GABRA3: variants seen among roughly 807,000 people sequenced by gnomAD.
The protein encoded by GABRA3 is gamma-aminobutyric acid receptor subunit alpha-3.
A neutral mutation model predicts 30.1 loss-of-function variants in GABRA3; 10 were observed. That is an observed-to-expected ratio of 0.33 (90% CI 0.20 to 0.56). The LOEUF (loss-of-function observed/expected upper bound fraction) is 0.56. GABRA3 is among the 20% of genes least tolerant of loss of function. GABRA3 has a pLI of 0.89. For missense variants in GABRA3, 233 were observed against 392.0 expected, an observed-to-expected ratio of 0.59 and a Z score of 3.42; for synonymous variants, 151 against 146.8, an observed-to-expected ratio of 1.03 and a Z score of -0.21.
At chrX:152,403,461 A>G (rs928208906) in intron 1 of GABRA3, among the ~76,000 whole-genome samples, 1 of 110,945 alleles carries the variant, frequency 9.0e-6, no homozygotes, top group African/African-American at 3.3e-5. Flanking sequence ...TTATGGCTAT[A>G]ATGGACAACT....
intron 3 of GABRA3, among the ~76,000 whole-genome samples, chrX:152,337,691 A>G (rs756469938): frequency 9.0e-6 from 1 of 110,973 alleles, no homozygotes; most frequent in Non-Finnish European, 1.9e-5. Context: ...AAAATAAATT[A>G]GCCTGTAGTC....
intron 3 of GABRA3, among the ~76,000 whole-genome samples, chrX:152,294,755 T>C (rs1028908212): frequency 2.7e-5 from 3 of 112,024 alleles, no homozygotes; most frequent in Non-Finnish European, 5.6e-5. Flanking sequence ...TTTCTCCCCA[T>C]CTTTGTTGTT....
chrX:152,232,585 G>T (rs1473671163), intron 5 of GABRA3, among the ~76,000 whole-genome samples: 1 of 109,209 alleles, frequency 9.2e-6, no homozygotes, highest in African/African-American at 3.3e-5. Flanking sequence ...TGGTGAAAAA[G>T]AGATAATTTC....
At chrX:152,305,941 C>T (rs1243012287) in intron 3 of GABRA3, among the ~76,000 whole-genome samples, 2 of 111,440 alleles carry the variant, frequency 1.8e-5, no homozygotes, top group African/African-American at 6.5e-5. Flanking sequence ...TTAAAATGCA[C>T]TGGGACTACA....
At chrX:152,175,046 G>A (rs773941593) in intron 9 of GABRA3, among the ~76,000 whole-genome samples, 16 of 111,792 alleles carry the variant, frequency 1.4e-4, no homozygotes, top group African/African-American at 4.2e-4. Context: ...TATTAAATAG[G>A]GAATCCTTTC....
At chrX:152,185,209 C>T (rs187079185) in intron 9 of GABRA3, among the ~76,000 whole-genome samples, 1 of 111,071 alleles carries the variant, frequency 9.0e-6, no homozygotes, top group African/African-American at 3.3e-5. Flanking sequence ...CGTATTGTAG[C>T]GGTGCAGACA....
At chrX:152,189,631 T>C in intron 9 of GABRA3, 99 bp downstream of exon 9, 1 of 591,771 alleles carries the variant, frequency 1.7e-6, no homozygotes, top group Non-Finnish European at 2.7e-6. Context: ...GCATAGCACA[T>C]AGCCCTGCCC....
At chrX:152,335,685 T>C (rs1940223208) in intron 3 of GABRA3, among the ~76,000 whole-genome samples, 1 of 111,960 alleles carries the variant, frequency 8.9e-6, no homozygotes, top group South Asian at 3.7e-4. Context: ...ATAGTGGTGA[T>C]GTCTGGGCTT....
At chrX:152,429,212 C>T in intron 1 of GABRA3, among the ~76,000 whole-genome samples, 1 of 110,864 alleles carries the variant, frequency 9.0e-6, no homozygotes, top group Non-Finnish European at 1.9e-5. Context: ...CTAGTGTTTG[C>T]TAAATATTCC....
chrX:152,304,890 G>A (rs76477214), intron 3 of GABRA3, among the ~76,000 whole-genome samples: 7,286 of 111,147 alleles, frequency 0.066, 274 homozygotes, highest in African/African-American at 0.12. Flanking sequence ...TCTGTAGATT[G>A]CTTTGGGCAG....
chrX:152,182,817 T>C (rs1165751503), intron 9 of GABRA3, among the ~76,000 whole-genome samples: 1 of 57,585 alleles, frequency 1.7e-5, no homozygotes, highest in Non-Finnish European at 3.4e-5. Flanking sequence ...ATTTACACCA[T>C]ATATATACAT....
At chrX:152,270,079 T>C (rs1480366777) in intron 4 of GABRA3, among the ~76,000 whole-genome samples, 1 of 111,717 alleles carries the variant, frequency 9.0e-6, no homozygotes. Flanking sequence ...GGAGGAAATA[T>C]TTGCAAAATA....
intron 4 of GABRA3, among the ~76,000 whole-genome samples, chrX:152,271,384 T>A (rs1371204379): frequency 1.8e-5 from 2 of 112,107 alleles, no homozygotes; most frequent in Non-Finnish European, 3.8e-5. Flanking sequence ...TAAAGATAAT[T>A]CTTGCTATGC....
At chrX:152,236,884 T>A (rs953222810) in intron 5 of GABRA3, among the ~76,000 whole-genome samples, 1 of 104,182 alleles carries the variant, frequency 9.6e-6, no homozygotes, top group African/African-American at 3.5e-5. Context: ...CATTGTAGAT[T>A]CTGGATATTA....
intron 9 of GABRA3, among the ~76,000 whole-genome samples, chrX:152,182,827 TATATATA>T (rs1300757391): frequency 2.4e-5 from 2 of 83,929 alleles, no homozygotes; most frequent in African/African-American, 8.7e-5. Context: ...TATATATACA[TATATATA>T]GTATATAAAT....
chrX:152,349,693 T>C (rs1161273549), intron 2 of GABRA3, among the ~76,000 whole-genome samples: 1 of 94,099 alleles, frequency 1.1e-5, no homozygotes, highest in Non-Finnish European at 2.1e-5. Flanking sequence ...CCAACAAAGA[T>C]CAAAAGAGAC....
chrX:152,193,131 C>T (rs1480078038), intron 8 of GABRA3, among the ~76,000 whole-genome samples: 2 of 111,623 alleles, frequency 1.8e-5, no homozygotes, highest in Admixed American at 1.9e-4. Context: ...CCCCTTTCTG[C>T]CCTTTCTCAT....
At chrX:152,426,189 C>T (rs1178078797) in intron 1 of GABRA3, among the ~76,000 whole-genome samples, 1 of 111,329 alleles carries the variant, frequency 9.0e-6, no homozygotes, top group African/African-American at 3.3e-5. Flanking sequence ...TTTTGAGTCA[C>T]ACAGAAACCA....
intron 1 of GABRA3, among the ~76,000 whole-genome samples, chrX:152,406,012 C>T (rs757493193): frequency 5.4e-5 from 6 of 110,152 alleles, no homozygotes; most frequent in Admixed American, 1.9e-4. Flanking sequence ...ACAGGCTTTG[C>T]GGGGTAATCT....
Sources: allele counts gnomAD v4.1 joint callset (sites outside exome capture counted in the v4.1 genomes callset), GRCh38; gene constraint gnomAD v4.1.1; transcripts MANE v1.5; gene names NCBI Gene and HGNC (gene_info 2026-07-23, HGNC 2026-07-21).